Variants in GRID1 observed in about 807,000 individuals in gnomAD.
GRID1 encodes the protein glutamate receptor ionotropic, delta-1.
GRID1 carries 28 observed loss-of-function variants against 98.0 expected under a neutral mutation model. The observed-to-expected ratio is 0.29, with a 90% CI of 0.21 to 0.39. GRID1 has a LOEUF of 0.39. Ranked by LOEUF, GRID1 falls within the 10% of genes least tolerant of loss-of-function variation. The pLI, the probability that GRID1 is intolerant of heterozygous loss-of-function variation, is 1.00. For missense variants in GRID1, 1,111 were observed against 1,340.5 expected (o/e 0.83, Z 2.67); for synonymous variants, 553 against 538.5 (o/e 1.03, Z -0.37).
intron 12 of GRID1, among the ~76,000 whole-genome samples, chr10:85,703,430 T>A (rs145467415): frequency 6.6e-6 from 1 of 151,958 alleles, no homozygotes; most frequent in African/African-American, 2.4e-5. Context: ...GAAAGGCAAA[T>A]ATATATCTTA....
chr10:86,347,636 A>G (rs1432584287), intron 2 of GRID1, among the ~76,000 whole-genome samples: 1 of 152,218 alleles, frequency 6.6e-6, no homozygotes, highest in Non-Finnish European at 1.5e-5. Flanking sequence ...AGCAGGGACA[A>G]GGGGTGTGGA....
intron 4 of GRID1, among the ~76,000 whole-genome samples, chr10:86,129,001 A>G (rs1844796262): frequency 6.6e-6 from 1 of 152,226 alleles, no homozygotes; most frequent in African/African-American, 2.4e-5. Flanking sequence ...ACATGGTGAG[A>G]AAGCGGGGCA....
chr10:85,723,941 T>G (rs1841732078), intron 11 of GRID1, among the ~76,000 whole-genome samples: 1 of 152,198 alleles, frequency 6.6e-6, no homozygotes, highest in Non-Finnish European at 1.5e-5. Flanking sequence ...GGAGAATTTG[T>G]ACCTCAAGAA....
At chr10:85,830,264 G>A (rs1013035282) in intron 8 of GRID1, among the ~76,000 whole-genome samples, 3 of 152,050 alleles carry the variant, frequency 2.0e-5, no homozygotes, top group Non-Finnish European at 4.4e-5. Flanking sequence ...ATAGGCAGAA[G>A]ACTGAAACTG....
At chr10:86,160,637 C>A (rs1490266227) in intron 3 of GRID1, among the ~76,000 whole-genome samples, 1 of 152,220 alleles carries the variant, frequency 6.6e-6, no homozygotes, top group Non-Finnish European at 1.5e-5. Flanking sequence ...CATCAGCAAC[C>A]CCCAGTGCCA....
chr10:85,737,096 T>C (rs967095537), intron 8 of GRID1, among the ~76,000 whole-genome samples: 1 of 152,002 alleles, frequency 6.6e-6, no homozygotes, highest in Non-Finnish European at 1.5e-5. Context: ...GGCATGTGTA[T>C]AGGAAGGAGT....
chr10:86,329,099 G>A (rs1225459517), intron 2 of GRID1, among the ~76,000 whole-genome samples: 1 of 152,234 alleles, frequency 6.6e-6, no homozygotes, highest in Admixed American at 6.5e-5. Flanking sequence ...AAGCAGGGGT[G>A]TGAGACAAAT....
intron 2 of GRID1, among the ~76,000 whole-genome samples, chr10:86,359,034 C>A (rs536346275): frequency 1.3e-5 from 2 of 152,208 alleles, no homozygotes; most frequent in South Asian, 2.1e-4. Context: ...CCAGAAGGAC[C>A]CAGATTTTAG....
intron 4 of GRID1, among the ~76,000 whole-genome samples, chr10:86,065,203 G>T (rs1406446947): frequency 6.6e-6 from 1 of 152,236 alleles, no homozygotes; most frequent in Non-Finnish European, 1.5e-5. Flanking sequence ...TCCTGGACCA[G>T]CAGCGTCAGC....
chr10:86,049,496 A>T (rs1249338339), intron 4 of GRID1, among the ~76,000 whole-genome samples: 1 of 152,104 alleles, frequency 6.6e-6, no homozygotes, highest in African/African-American at 2.4e-5. Flanking sequence ...AGATTGGGGG[A>T]CTGAACTAGA....
chr10:86,100,534 G>A (rs1172689792), intron 4 of GRID1, among the ~76,000 whole-genome samples: 1 of 152,186 alleles, frequency 6.6e-6, no homozygotes. Context: ...GGAGTGTTAG[G>A]AAAGCAATAA....
intron 4 of GRID1, among the ~76,000 whole-genome samples, chr10:85,950,195 C>T (rs1050031802): frequency 3.9e-5 from 6 of 152,082 alleles, no homozygotes; most frequent in African/African-American, 1.4e-4. Flanking sequence ...TTACATTCAA[C>T]TAAAGTATAT....
At position 85,830,106 on chromosome 10, in the gene GRID1, G is replaced by C. The variant is rs113818327; in HGVS notation, c.1233+24390C>G. ...GAACAGCATGGTACTCAAACAAAAA[G>C]AGACACATAGACCAATGGAACAGAA... On this transcript the variant is annotated intron_variant, in intron 8 of 15. Coordinates refer to ENST00000327946, the MANE Select transcript of GRID1 (RefSeq NM_017551.3). Among the ~76,000 whole-genome samples, 870 of 152,080 alleles carry C rather than the reference G, an allele frequency of 5.7e-3. 8 individuals carry two copies. The highest frequency in any genetic ancestry group is 0.02 in the African/African-American group (818 of 41,516).
chr10:86,067,971 C>G (rs1843743800), intron 4 of GRID1, among the ~76,000 whole-genome samples: 1 of 152,224 alleles, frequency 6.6e-6, no homozygotes. Flanking sequence ...ATGCCAGGCT[C>G]TGCTTCCAAG....
At chr10:85,619,125 T>C (rs985407731) in intron 14 of GRID1, among the ~76,000 whole-genome samples, 1 of 152,164 alleles carries the variant, frequency 6.6e-6, no homozygotes, top group Non-Finnish European at 1.5e-5. Flanking sequence ...CCTTCACAGA[T>C]ATGTGCAAGA....
chr10:86,138,752 CA>C (rs1278286227), intron 4 of GRID1, 66 bp downstream of exon 4: 9 of 1,314,290 alleles, frequency 6.8e-6, no homozygotes, highest in Non-Finnish European at 9.9e-6. Flanking sequence ...CCCTGCAGCC[CA>C]CCTGAACCAT....
chr10:86,353,398 G>A (rs1368965056), intron 2 of GRID1, among the ~76,000 whole-genome samples: 3 of 152,252 alleles, frequency 2.0e-5, no homozygotes, highest in Non-Finnish European at 4.4e-5. Flanking sequence ...GTCTGCAACA[G>A]TCTCCTTGTG....
chr10:85,726,714 C>T (rs1841764512), intron 10 of GRID1, among the ~76,000 whole-genome samples: 1 of 152,110 alleles, frequency 6.6e-6, no homozygotes, highest in African/African-American at 2.4e-5. Context: ...TTCACTGAAG[C>T]AACTCTATAT....
intron 2 of GRID1, among the ~76,000 whole-genome samples, chr10:86,311,130 A>T (rs1365874824): frequency 6.6e-6 from 1 of 152,166 alleles, no homozygotes; most frequent in Non-Finnish European, 1.5e-5. Context: ...CTAAGACACC[A>T]TATAGTGGTA....
Sources: gnomAD v4.1 joint callset for allele counts (sites outside exome capture counted in the v4.1 genomes callset) on GRCh38, gnomAD v4.1.1 for gene constraint, MANE v1.5 for transcripts, NCBI Gene and HGNC (gene_info 2026-07-23, HGNC 2026-07-21) for gene names.